Variants in THRAP3 observed in about 807,000 individuals in gnomAD.
THRAP3 encodes thyroid hormone receptor-associated protein 3.
Under a neutral mutation model 101.0 loss-of-function variants are expected in THRAP3, and 16 were observed. The observed-to-expected ratio is 0.16, with a 90% CI of 0.11 to 0.24. The LOEUF is 0.24. THRAP3 is among the 10% of genes least tolerant of loss of function. The probability of loss-of-function intolerance (pLI) is 1.00; values close to 1 mark genes in which losing one functional copy is unlikely to be tolerated. For missense variants in THRAP3, 989 were observed against 1,202.7 expected (o/e 0.82, Z 2.63); for synonymous variants, 407 against 422.6 (o/e 0.96, Z 0.45).
upstream of THRAP3, among the ~76,000 whole-genome samples, chr1:36,220,542 G>C (rs1041968521): frequency 6.6e-6 from 1 of 152,054 alleles, no homozygotes; most frequent in African/African-American, 2.4e-5. Context: ...TGAAGGCTGG[G>C]TGCAGTGGCT....
chr1:36,293,806 A>G (rs1645911681), intron 7 of THRAP3, 45 bp from the exon 8 acceptor site: 1 of 1,516,526 alleles, frequency 6.6e-7, no homozygotes, highest in South Asian at 1.1e-5. Flanking sequence ...CCAGTATCAT[A>G]TTCACACAAT....
intron 1 of THRAP3, among the ~76,000 whole-genome samples, chr1:36,225,949 C>T (rs183739466): frequency 4.8e-4 from 73 of 152,254 alleles, no homozygotes; most frequent in African/African-American, 1.7e-3. Flanking sequence ...AATTCCATCT[C>T]TTTGTTTTTT....
chr1:36,262,189 TA>T (rs1220874364), intron 2 of THRAP3, among the ~76,000 whole-genome samples: 3 of 152,366 alleles, frequency 2.0e-5, no homozygotes, highest in Non-Finnish European at 4.4e-5. Context: ...TGAGATATTT[TA>T]CTTTCTGTTT....
At chr1:36,222,321 T>C (rs963182081), upstream of THRAP3, among the ~76,000 whole-genome samples, 7 of 152,340 alleles carry the variant, frequency 4.6e-5, no homozygotes, top group African/African-American at 1.4e-4. Flanking sequence ...ACTGGGAAAC[T>C]TGGACTAACC....
At chr1:36,221,857 TG>T (rs1281193918), upstream of THRAP3, among the ~76,000 whole-genome samples, 1 of 151,762 alleles carries the variant, frequency 6.6e-6, no homozygotes. Flanking sequence ...TTACTCAGGC[TG>T]GAGTGCAGTG....
chr1:36,240,925 G>A (rs1557810832), intron 1 of THRAP3, among the ~76,000 whole-genome samples: 1 of 151,820 alleles, frequency 6.6e-6, no homozygotes, highest in Non-Finnish European at 1.5e-5. Flanking sequence ...TTTACTTTTC[G>A]GCCGGGCGCA....
chr1:36,290,239 A>G (rs1385521225), intron 5 of THRAP3, among the ~76,000 whole-genome samples: 2 of 151,230 alleles, frequency 1.3e-5, no homozygotes, highest in Non-Finnish European at 2.9e-5. Context: ...TCTGTCACCC[A>G]GGCTGGAGTG....
rs1645797172 is a variant in THRAP3 at position 36,286,530 on chromosome 1, C to T, written c.300C>T (p.Asn100=). 2 of 1,613,988 alleles carry T rather than the reference C, an allele frequency of 1.2e-6. No homozygotes were observed. Among genetic ancestry groups the T allele is most frequent in the African/African-American group, 1.3e-5 (1 of 74,900 alleles). The change falls in exon 4 of 12, where the codon AAC becomes AAT. Residue 100 remains asparagine, a synonymous_variant. Transcript: ENST00000354618. This position sits in a 1 kb window ranked among gnomAD's most constrained non-coding sequence, Gnocchi z 5.5. ...GCTTTTATCCATGGGGCCAATATAACCGAGGAGGCTATGGAAACTACCGCT... is the reference window on the plus strand; with the variant it reads ...GCTTTTATCCATGGGGCCAATATAATCGAGGAGGCTATGGAAACTACCGCT... ...NRGFYPWGQY[N]RGGYGNYRSN...
chr1:36,276,970 TTTA>T lies in THRAP3; in HGVS notation c.-31-5560_-31-5558del, dbSNP rs542343475. On this transcript the variant is annotated intron_variant, in intron 2 of 11. Transcript: ENST00000354618. ...TATCCACACTTTTTTTAATTTTTAT[TTTA>T]TTCTTATGTTTTGAGATGGAGTTTC... Among the ~76,000 whole-genome samples, 10 of 152,192 alleles carry T rather than the reference TTTA, an allele frequency of 6.6e-5. No individual in the cohort carries two copies. The South Asian group carries it at 2.1e-3, about 32-fold the overall frequency.
chr1:36,244,893 T>C (rs533695295), intron 1 of THRAP3, among the ~76,000 whole-genome samples: 1 of 152,164 alleles, frequency 6.6e-6, no homozygotes, highest in Admixed American at 6.5e-5. Flanking sequence ...AATTTTGTTT[T>C]GTATTTTTAG....
intron 1 of THRAP3, among the ~76,000 whole-genome samples, chr1:36,227,116 C>G (rs545147356): frequency 6.6e-6 from 1 of 151,996 alleles, no homozygotes; most frequent in African/African-American, 2.4e-5. Context: ...ATTTAGTGTG[C>G]TTTCAGAACT....
chr1:36,282,852 C>CTAA lies in THRAP3; in HGVS notation c.137+153_137+154insAAT, dbSNP rs1183292899. ...TTGGGCTATAAGATATTCCAGGTCT[C>CTAA]TTTAAACTACAAATCCAGATCAGCT... On this transcript the variant is annotated intron_variant, in intron 3 of 11. Transcript: ENST00000354618. The CTAA allele has an allele frequency of 3.7e-5, 27 of 739,716 alleles. No individual in the cohort carries two copies. The South Asian group carries it at 4.7e-4, about 13-fold the overall frequency. The allele number at this position is 739,716 out of a possible 1,614,324, so 45.8% of individuals were successfully genotyped here.
upstream of THRAP3, among the ~76,000 whole-genome samples, chr1:36,222,636 G>A (rs1644909363): frequency 6.6e-6 from 1 of 151,990 alleles, no homozygotes; most frequent in South Asian, 2.1e-4. Context: ...ACGAACTCCT[G>A]ACCTCAGGTG....
intron 8 of THRAP3, 120 bp from the exon 9 acceptor site, chr1:36,296,463 C>G (rs891007635): frequency 1.1e-5 from 8 of 759,456 alleles, no homozygotes; most frequent in Non-Finnish European, 1.7e-5. Context: ...GGTGAGATGC[C>G]TCACATTTCC....
chr1:36,303,377 G>A (rs1027109475), intron 11 of THRAP3, among the ~76,000 whole-genome samples: 1 of 152,030 alleles, frequency 6.6e-6, no homozygotes, highest in Non-Finnish European at 1.5e-5. Flanking sequence ...AAATCATATG[G>A]AGTTGCTTAA....
the THRAP3 span, among the ~76,000 whole-genome samples, chr1:36,209,973 G>A: frequency 6.6e-6 from 1 of 152,208 alleles, no homozygotes; most frequent in Non-Finnish European, 1.5e-5. Context: ...AGAGGGAAGT[G>A]GGAGGGGCTG....
chr1:36,259,988 A>G (rs1645424125), intron 2 of THRAP3, among the ~76,000 whole-genome samples: 1 of 151,958 alleles, frequency 6.6e-6, no homozygotes, highest in Non-Finnish European at 1.5e-5. Context: ...CCTGACTGTA[A>G]TCCCAGCACT....
chr1:36,209,019 C>T, the THRAP3 span, among the ~76,000 whole-genome samples: 1 of 134,506 alleles, frequency 7.4e-6, no homozygotes, highest in Non-Finnish European at 1.5e-5. Flanking sequence ...CTCTGTTGCC[C>T]AGGCTGGAGT....
chr1:36,236,957 A>G (rs1453125022), intron 1 of THRAP3, among the ~76,000 whole-genome samples: 1 of 152,136 alleles, frequency 6.6e-6, no homozygotes. Context: ...CGGGCAAATC[A>G]CCTGAGGTTA....
Sources: gnomAD v4.1 joint callset for allele counts (sites outside exome capture counted in the v4.1 genomes callset) on GRCh38, gnomAD v4.1.1 for gene constraint, Gnocchi (gnomAD v3.1) non-coding constraint, MANE v1.5 for transcripts, NCBI Gene and HGNC (gene_info 2026-07-23, HGNC 2026-07-21) for gene names.